C10orf90: variants seen among roughly 807,000 people sequenced by gnomAD.
C10orf90 encodes (E2-independent) E3 ubiquitin-conjugating enzyme FATS.
Under a neutral mutation model 62.5 loss-of-function variants are expected in C10orf90, and 56 were observed. The ratio of observed to expected loss-of-function variants is 0.90; its 90% CI spans 0.72 to 1.12. C10orf90 has a LOEUF of 1.12. Ranked by LOEUF, C10orf90 falls within the 50% of genes most tolerant of loss-of-function variation. The probability of loss-of-function intolerance (pLI) is 0.00; values close to 1 mark genes in which losing one functional copy is unlikely to be tolerated. For synonymous variants in C10orf90, 386 were observed against 340.4 expected (o/e 1.13, Z -1.47); for missense variants, 970 against 880.4 (o/e 1.10, Z -1.29).
At chr10:126,622,269 A>C (rs1845658990) in intron 2 of C10orf90, among the ~76,000 whole-genome samples, 1 of 152,148 alleles carries the variant, frequency 6.6e-6, no homozygotes, top group South Asian at 2.1e-4. Context: ...AACCTTCTCT[A>C]GCTCGGCTGA....
At chr10:126,472,919 A>T (rs1860658431) in intron 4 of C10orf90, among the ~76,000 whole-genome samples, 1 of 152,166 alleles carries the variant, frequency 6.6e-6, no homozygotes, top group African/African-American at 2.4e-5. Flanking sequence ...ATCTGAGGGT[A>T]CTGAGCCTTT....
At chr10:126,426,298 G>T (rs895385148) in intron 8 of C10orf90, among the ~76,000 whole-genome samples, 5 of 152,248 alleles carry the variant, frequency 3.3e-5, no homozygotes, top group Non-Finnish European at 5.9e-5. Context: ...ACCTTGTCCA[G>T]TGCTACGTGG....
intron 2 of C10orf90, among the ~76,000 whole-genome samples, chr10:126,551,949 T>C (rs1864643503): frequency 6.6e-6 from 1 of 152,176 alleles, no homozygotes; most frequent in Non-Finnish European, 1.5e-5. Context: ...TTCAAGTTAC[T>C]CCTCCCATTT....
chr10:126,429,929 A>T, intron 7 of C10orf90, 79 bp from the exon 8 acceptor site: 1 of 1,249,758 alleles, frequency 8.0e-7, no homozygotes, highest in Non-Finnish European at 1.2e-6. Flanking sequence ...TGATTAGTTC[A>T]TAATCCGTTA....
intron 2 of C10orf90, among the ~76,000 whole-genome samples, chr10:126,645,404 CCAAACAAACAAACAAA>C (rs148448748): frequency 2.1e-5 from 3 of 146,280 alleles, no homozygotes; most frequent in Non-Finnish European, 4.5e-5. Flanking sequence ...CCCCTCTCTA[CCAAACAAACAAACAAA>C]CAAACAAACA....
intron 1 of C10orf90, among the ~76,000 whole-genome samples, chr10:126,653,853 C>T (rs1846338841): frequency 6.6e-6 from 1 of 152,202 alleles, no homozygotes; most frequent in African/African-American, 2.4e-5. Context: ...GATCTATGGG[C>T]TGCAAAATGG....
At chr10:126,570,836 C>A (rs1236522706) in intron 2 of C10orf90, among the ~76,000 whole-genome samples, 3 of 152,060 alleles carry the variant, frequency 2.0e-5, no homozygotes, top group African/African-American at 4.8e-5. Context: ...ACTTCCAATC[C>A]AGTCTTTCAA....
At chr10:126,665,473 G>A (rs971198397) in intron 1 of C10orf90, among the ~76,000 whole-genome samples, 7 of 152,078 alleles carry the variant, frequency 4.6e-5, no homozygotes, top group Non-Finnish European at 2.9e-5. Flanking sequence ...AAGACTGAAC[G>A]GTGTACTCCA....
chr10:126,643,739 G>C (rs1165839092), intron 2 of C10orf90, among the ~76,000 whole-genome samples: 1 of 152,150 alleles, frequency 6.6e-6, no homozygotes, highest in Non-Finnish European at 1.5e-5. Flanking sequence ...TGGGTTTCTG[G>C]TCTCCAAACC....
At chr10:126,601,228 A>G (rs1845192187) in intron 2 of C10orf90, among the ~76,000 whole-genome samples, 2 of 152,236 alleles carry the variant, frequency 1.3e-5, no homozygotes, top group Admixed American at 1.3e-4. Flanking sequence ...GTTAAAGGAT[A>G]CAAACCAGCA....
At chr10:126,484,880 C>T (rs1425514471) in intron 4 of C10orf90, among the ~76,000 whole-genome samples, 13 of 152,184 alleles carry the variant, frequency 8.5e-5, no homozygotes, top group South Asian at 2.1e-4. Flanking sequence ...TTAGTTATTT[C>T]GTATGTTTGA....
intron 2 of C10orf90, among the ~76,000 whole-genome samples, chr10:126,578,524 A>G (rs75677814): frequency 0.022 from 3,388 of 152,290 alleles, 54 homozygotes; most frequent in African/African-American, 0.045. Flanking sequence ...ATTCTCAAGT[A>G]GTGCTGCTGG....
chr10:126,463,013 C>T (rs1304468368), intron 5 of C10orf90, among the ~76,000 whole-genome samples: 2 of 151,926 alleles, frequency 1.3e-5, no homozygotes, highest in Non-Finnish European at 2.9e-5. Context: ...ACTACTCTGC[C>T]CCACCCACCC....
In C10orf90 at chr10:126,503,952, C is replaced by T. The variant is rs370559509; in HGVS notation, c.1534+5G>A. On this transcript the variant is annotated splice_donor_5th_base_variant and intron_variant, in intron 4 of 9. Coordinates refer to ENST00000488181, the MANE Select transcript of C10orf90 (RefSeq NM_001350921.2). ...CACCCTCCTGCAGATGGACGCACCA[C>T]TCACCTGCCCTGTAACTCCAGCCAG... The T allele has an allele frequency of 3.1e-6, 5 of 1,604,428 alleles. No homozygotes were observed. The Admixed American group carries it at 6.7e-5, about 22-fold the overall frequency.
At chr10:126,508,154 T>TGA (rs1249290254) in intron 3 of C10orf90, among the ~76,000 whole-genome samples, 1 of 56,252 alleles carries the variant, frequency 1.8e-5, no homozygotes, top group South Asian at 5.5e-4. Flanking sequence ...AGTGAATGAG[T>TGA]GAGTGAGAGA....
intron 2 of C10orf90, among the ~76,000 whole-genome samples, chr10:126,634,051 C>T (rs1270362170): frequency 1.3e-5 from 2 of 152,124 alleles, no homozygotes; most frequent in Non-Finnish European, 2.9e-5. Context: ...ATGTTGCAGC[C>T]ACTATGGAAA....
At chr10:126,488,719 G>A (rs1323911388) in intron 4 of C10orf90, among the ~76,000 whole-genome samples, 1 of 152,058 alleles carries the variant, frequency 6.6e-6, no homozygotes, top group Non-Finnish European at 1.5e-5. Flanking sequence ...TGAACTTTAT[G>A]CCAATAATTT....
At chr10:126,570,196 G>A (rs951942991) in intron 2 of C10orf90, among the ~76,000 whole-genome samples, 3 of 152,230 alleles carry the variant, frequency 2.0e-5, no homozygotes, top group Admixed American at 2.0e-4. Context: ...CCCCTGCACA[G>A]TATGCTTTAT....
At chr10:126,659,339 T>C (rs2133869103) in intron 1 of C10orf90, among the ~76,000 whole-genome samples, 1 of 152,298 alleles carries the variant, frequency 6.6e-6, no homozygotes, top group Admixed American at 6.5e-5. Context: ...TTTCTGTAAA[T>C]TGAGGGCTGA....
Sources: allele counts gnomAD v4.1 joint callset (sites outside exome capture counted in the v4.1 genomes callset), GRCh38; gene constraint gnomAD v4.1.1; transcripts MANE v1.5; gene names NCBI Gene and HGNC (gene_info 2026-07-23, HGNC 2026-07-21).